ABHD17B: variants seen among roughly 807,000 people sequenced by gnomAD.
ABHD17B encodes the protein alpha/beta hydrolase domain-containing protein 17B.
A neutral mutation model predicts 26.2 loss-of-function variants in ABHD17B; 9 were observed. The observed-to-expected ratio is 0.34, with a 90% CI of 0.21 to 0.60. ABHD17B has a LOEUF of 0.60. Among genes scored for constraint, ABHD17B ranks in the 20% least tolerant of loss-of-function variants. The probability of loss-of-function intolerance (pLI) is 0.80; values close to 1 mark genes in which losing one functional copy is unlikely to be tolerated. For missense variants in ABHD17B, 224 were observed against 352.1 expected (o/e 0.64, Z 2.91); for synonymous variants, 127 against 122.3 (o/e 1.04, Z -0.25).
At chr9:71,876,362 T>C (rs887335410) in intron 1 of ABHD17B, among the ~76,000 whole-genome samples, 4 of 152,188 alleles carry the variant, frequency 2.6e-5, no homozygotes, top group African/African-American at 9.7e-5. Context: ...GTTGTGAATA[T>C]CAAATGTTGG....
At chr9:71,893,751 G>A (rs1464265090) in intron 1 of ABHD17B, among the ~76,000 whole-genome samples, 1 of 152,112 alleles carries the variant, frequency 6.6e-6, no homozygotes, top group Non-Finnish European at 1.5e-5. Flanking sequence ...CCATCCAATA[G>A]CTACCTAGAG....
chr9:71,910,355 C>A (rs1214060098), intron 1 of ABHD17B, among the ~76,000 whole-genome samples: 1 of 152,154 alleles, frequency 6.6e-6, no homozygotes, highest in Non-Finnish European at 1.5e-5. Flanking sequence ...CCCTCCCCCA[C>A]CCCCTGACTC....
intron 1 of ABHD17B, among the ~76,000 whole-genome samples, chr9:71,888,299 G>C (rs1479380429): frequency 1.3e-5 from 2 of 152,210 alleles, no homozygotes; most frequent in Non-Finnish European, 2.9e-5. Context: ...GCGTAAGCTA[G>C]ACATGAACAG....
At chr9:71,895,443 T>A (rs1290641344) in intron 1 of ABHD17B, among the ~76,000 whole-genome samples, 2 of 152,222 alleles carry the variant, frequency 1.3e-5, no homozygotes, top group Non-Finnish European at 2.9e-5. Context: ...GGGTATATAA[T>A]TGTGTTTCAG....
chr9:71,887,651 C>T (rs1378996043), intron 1 of ABHD17B, among the ~76,000 whole-genome samples: 2 of 152,164 alleles, frequency 1.3e-5, no homozygotes, highest in African/African-American at 4.8e-5. Flanking sequence ...CAGTGCTGAA[C>T]GAAAACCTTT....
In ABHD17B at chr9:71,866,414, C is replaced by T. The variant is rs1167696088; in HGVS notation, c.*373G>A. The stretch of plus-strand genomic sequence containing the variant: ...TTTTCAAAATATTACAGTTGTATTC[C>T]AGGATAAGATTTAATATATTGAGAT... On this transcript the variant is annotated 3_prime_UTR_variant, in exon 4 of 4. Transcript: ENST00000333421. 1 of 983,388 alleles carries T rather than the reference C, an allele frequency of 1.0e-6. No individual in the cohort carries two copies. The highest frequency in any genetic ancestry group is 1.8e-5 in the African/African-American group (1 of 56,946). 60.9% of individuals were successfully genotyped at this position (983,388 alleles called of 1,614,324 possible).
At chr9:71,879,053 G>T (rs919751132) in intron 1 of ABHD17B, among the ~76,000 whole-genome samples, 1 of 152,136 alleles carries the variant, frequency 6.6e-6, no homozygotes, top group Non-Finnish European at 1.5e-5. Flanking sequence ...CCACTGGCGT[G>T]GCTGGAGTGG....
intron 1 of ABHD17B, among the ~76,000 whole-genome samples, chr9:71,902,963 G>A (rs993115570): frequency 6.6e-6 from 1 of 152,138 alleles, no homozygotes; most frequent in Non-Finnish European, 1.5e-5. Context: ...AGTTTCTTGT[G>A]ATTGGAATGG....
intron 1 of ABHD17B, among the ~76,000 whole-genome samples, chr9:71,908,421 A>G (rs1421732259): frequency 6.6e-6 from 1 of 151,052 alleles, no homozygotes; most frequent in Non-Finnish European, 1.5e-5. Flanking sequence ...AAAGGCCACA[A>G]ACTCACCTTC....
downstream of ABHD17B, among the ~76,000 whole-genome samples, chr9:71,864,136 T>A (rs1825891699): frequency 1.3e-5 from 2 of 151,716 alleles, no homozygotes; most frequent in Non-Finnish European, 2.9e-5. Flanking sequence ...TATTTGTTTC[T>A]AGGATAAAGA....
Position 71,903,572 on chromosome 9 carries a change from T to C in ABHD17B, c.-4+7062A>G, listed in dbSNP as rs1827203625. On this transcript the variant is annotated intron_variant, in intron 1 of 3. Coordinates refer to ENST00000333421, the MANE Select transcript of ABHD17B (RefSeq NM_001025780.3). ...TGACATATGGTAATTAATGGGCTAA[T>C]ACCTGTAATATAATCTGAAGCTCTA... Among the ~76,000 whole-genome samples, 3 of 152,240 alleles carry C rather than the reference T, an allele frequency of 2.0e-5. No homozygotes were observed. The South Asian group carries it at 6.2e-4, about 31-fold the overall frequency.
Position 71,904,100 on chromosome 9 carries a change from T to C in ABHD17B, c.-4+6534A>G, listed in dbSNP as rs140117859. Among the ~76,000 whole-genome samples, 233 of 152,310 alleles carry C rather than the reference T, an allele frequency of 1.5e-3. 1 individual carries two copies. Among genetic ancestry groups the C allele is most frequent in the African/African-American group, 5.3e-3 (220 of 41,572 alleles). ...TGCACATCTCTGCCCATTCTCTTCT[T>C]CCCTATTTAACAGGTTCAACTAACT... On this transcript the variant is annotated intron_variant, in intron 1 of 3. Coordinates refer to ENST00000333421, the MANE Select transcript of ABHD17B (RefSeq NM_001025780.3).
At chr9:71,879,872 A>T (rs1160796017) in intron 1 of ABHD17B, among the ~76,000 whole-genome samples, 1 of 152,218 alleles carries the variant, frequency 6.6e-6, no homozygotes, top group Non-Finnish European at 1.5e-5. Flanking sequence ...AAGTTGCCTA[A>T]TGTCACAAAT....
intron 1 of ABHD17B, among the ~76,000 whole-genome samples, chr9:71,884,364 T>C (rs183120713): frequency 6.6e-6 from 1 of 152,148 alleles, no homozygotes. Context: ...GGGCCTGAGA[T>C]GCAATATAGG....
chr9:71,885,971 A>G (rs1259811820), intron 1 of ABHD17B, among the ~76,000 whole-genome samples: 4 of 152,222 alleles, frequency 2.6e-5, no homozygotes, highest in African/African-American at 4.8e-5. Context: ...AAGAATGCTT[A>G]TATCTTTCTT....
At chr9:71,868,425 C>G (rs1826019330) in intron 3 of ABHD17B, among the ~76,000 whole-genome samples, 1 of 152,050 alleles carries the variant, frequency 6.6e-6, no homozygotes, top group Non-Finnish European at 1.5e-5. Context: ...GGAATCAAAA[C>G]AAACACTTTT....
intron 1 of ABHD17B, among the ~76,000 whole-genome samples, chr9:71,900,114 AT>A (rs1827088078): frequency 6.6e-6 from 1 of 152,220 alleles, no homozygotes; most frequent in Non-Finnish European, 1.5e-5. Flanking sequence ...AATTCTCTGA[AT>A]TTATTAAGAT....
At chr9:71,896,286 C>T (rs1230909025) in intron 1 of ABHD17B, among the ~76,000 whole-genome samples, 2 of 152,176 alleles carry the variant, frequency 1.3e-5, no homozygotes, top group East Asian at 3.8e-4. Flanking sequence ...ACATTGTACT[C>T]CTGACTTCAA....
chr9:71,874,444 T>C (rs1826201461), intron 2 of ABHD17B, among the ~76,000 whole-genome samples, 170 bp downstream of exon 2: 1 of 152,238 alleles, frequency 6.6e-6, no homozygotes, highest in Non-Finnish European at 1.5e-5. Flanking sequence ...TTTGCTATTA[T>C]GTGAAATTTA....
Sources: allele counts gnomAD v4.1 joint callset (sites outside exome capture counted in the v4.1 genomes callset), GRCh38; gene constraint gnomAD v4.1.1; transcripts MANE v1.5; gene names NCBI Gene and HGNC (gene_info 2026-07-23, HGNC 2026-07-21).